PCDHB5: variants seen among roughly 807,000 people sequenced by gnomAD.
The protein encoded by PCDHB5 is protocadherin beta 5, also known as protocadherin beta-5.
For synonymous variants in PCDHB5, 569 were observed against 462.2 expected, an observed-to-expected ratio of 1.23 and a Z score of -2.96; for missense variants, 1,125 against 1,029.4, an observed-to-expected ratio of 1.09 and a Z score of -1.27.
In PCDHB5 at chr5:141,136,050, C is replaced by A; in HGVS notation, c.616C>A (p.Pro206Thr). The A allele has an allele frequency of 6.2e-7, 1 of 1,614,214 alleles. No individual in the cohort carries two copies. The highest frequency in any genetic ancestry group is 8.5e-7 in the Non-Finnish European group (1 of 1,180,016). Residue 206 changes from proline (P) to threonine (T), a missense_variant, in exon 1 of 1, where the codon CCT (proline) becomes ACT (threonine). Transcript: ENST00000231134. ...LDKALDREER[P>T]ELSLTLTALD... Reference sequence around the variant, plus strand: ...CAAAGCGCTGGACCGGGAGGAGCGGCCTGAGCTCAGCTTAACACTCACTGC... The same window carrying A: ...CAAAGCGCTGGACCGGGAGGAGCGGACTGAGCTCAGCTTAACACTCACTGC...
chr5:141,137,532 T>C lies in PCDHB5; in HGVS notation c.2098T>C (p.Phe700Leu). 6 of 1,612,458 alleles carry C rather than the reference T, an allele frequency of 3.7e-6. No individual in the cohort carries two copies. The highest frequency in any genetic ancestry group is 5.1e-6 in the Non-Finnish European group (6 of 1,179,634). The change falls in exon 1 of 1, where the codon TTC (phenylalanine) becomes CTC (leucine). Residue 700 changes from phenylalanine (F) to leucine (L), a missense_variant. Physicochemically the swap from Phe to Leu is conservative, Grantham distance 22. Transcript: ENST00000231134. ...VVALASVSSLFLFSVLLFVAV... is the reference protein window; with the variant it reads ...VVALASVSSLLLFSVLLFVAV... ...GGCATTGGCCTCGGTGTCGTCGCTC[T>C]TCCTCTTTTCGGTGCTCCTGTTCGT...
rs1554275904 is a variant in PCDHB5, at chr5:141,136,443, G to GTGGA, written c.1012_1015dup (p.Val339GlyfsTer4). The GTGGA allele has an allele frequency of 6.2e-7, 1 of 1,613,958 alleles. No homozygotes were observed. The highest frequency in any genetic ancestry group is 1.7e-5 in the Admixed American group (1 of 59,988). On this transcript the variant is annotated frameshift_variant, in exon 1 of 1. Coordinates refer to ENST00000231134, the MANE Select transcript of PCDHB5 (RefSeq NM_015669.5). LOFTEE classifies it low-confidence loss of function (END_TRUNC). ...AAAATGCACTGTGGCTATAGAAGTGGTGGATGTGAATGACAACGCCCCTGA... is the reference window on the plus strand; with the variant it reads ...AAAATGCACTGTGGCTATAGAAGTGGTGGATGGATGTGAATGACAACGCCCCTGA...
At position 141,137,453 on chromosome 5, in the gene PCDHB5, G is replaced by A. The variant is rs61745769; in HGVS notation, c.2019G>A (p.Pro673=). Residue 673 remains proline, a synonymous_variant, in exon 1 of 1, where the codon CCG becomes CCA. Transcript: ENST00000231134. ...TCTCCCAGCCCTACCTGCCGCTGCC[G>A]GAGGCGGCCCCGGCCCAGGCCCAGG... ...DGFSQPYLPL[P]EAAPAQAQAD... 3.7e-6 allele frequency: 6 copies of A among 1,612,420 alleles called. No homozygotes were observed. The highest frequency in any genetic ancestry group is 4.2e-6 in the Non-Finnish European group (5 of 1,179,670).
chr5:141,136,494 C>T lies in PCDHB5; in HGVS notation c.1060C>T (p.Pro354Ser), dbSNP rs1554275916. The change falls in exon 1 of 1, where the codon CCT (proline) becomes TCT (serine). Residue 354 changes from proline to serine, a missense_variant. By Grantham distance (74) the Pro-to-Ser change is moderately conservative. Coordinates refer to ENST00000231134, the MANE Select transcript of PCDHB5 (RefSeq NM_015669.5). ...PELTMSTLSS[P>S]TPENAPETVV... is the part of the protein sequence containing the mutation. ...ACTCACCATGTCTACGCTCTCCAGCCCTACCCCAGAAAATGCCCCGGAAAC... is the reference window on the plus strand; with the variant it reads ...ACTCACCATGTCTACGCTCTCCAGCTCTACCCCAGAAAATGCCCCGGAAAC... 9 of 1,613,912 alleles carry T rather than the reference C, an allele frequency of 5.6e-6. No homozygotes were observed. The highest frequency in any genetic ancestry group is 1.1e-5 in the South Asian group (1 of 91,060).
In PCDHB5 at chr5:141,136,220, CGTT is replaced by C. The variant is rs782341219; in HGVS notation, c.789_791del (p.Val264del). Reference sequence around the variant, plus strand: ...ACAGCCCCCTTAACTCCTTAGTTGTCGTTGTCTCCGCTCGAGATTTAGATGCAG... The same window carrying C: ...ACAGCCCCCTTAACTCCTTAGTTGTCGTCTCCGCTCGAGATTTAGATGCAG... On this transcript the variant is annotated inframe_deletion, in exon 1 of 1. Coordinates refer to ENST00000231134, the MANE Select transcript of PCDHB5 (RefSeq NM_015669.5). 3.1e-6 allele frequency: 5 copies of C among 1,613,938 alleles called. No individual in the cohort carries two copies. Among genetic ancestry groups the C allele is most frequent in the Admixed American group, 1.7e-5 (1 of 60,016 alleles).
chr5:141,136,431 G>A lies in PCDHB5; in HGVS notation c.997G>A (p.Ala333Thr). The change falls in exon 1 of 1, where the codon GCT becomes ACT. Residue 333 changes from alanine (A) to threonine (T), a missense_variant. Transcript: ENST00000231134. ...GGGCCTTTCAGGAAAATGCACTGTG[G>A]CTATAGAAGTGGTGGATGTGAATGA... ...GGGLSGKCTV[A>T]IEVVDVNDNA... is the part of the protein sequence containing the mutation. 1 of 1,614,046 alleles carries A rather than the reference G, an allele frequency of 6.2e-7. No individual in the cohort carries two copies.
In PCDHB5 at chr5:141,135,755, G is replaced by T; in HGVS notation, c.321G>T (p.Gln107His). Residue 107 changes from glutamine to histidine, a missense_variant, in exon 1 of 1, where the codon CAG (glutamine) becomes CAT (histidine). Transcript: ENST00000231134. ...GATEPCILHF[Q>H]LLLENPVQFF... ...CAGAACCCTGTATATTGCATTTCCA[G>T]CTCTTACTAGAAAATCCAGTGCAGT... The T allele has an allele frequency of 6.2e-7, 1 of 1,614,094 alleles. No individual in the cohort carries two copies. Among genetic ancestry groups the T allele is most frequent in the Non-Finnish European group, 8.5e-7 (1 of 1,179,998 alleles).
chr5:141,137,837 C>A lies in PCDHB5; in HGVS notation c.*15C>A. The stretch of plus-strand genomic sequence containing the variant: ...GATTAAATTAGAGATCTCGTGATGA[C>A]GCGTTGTTTTCTGCCATTTATCCCA... On this transcript the variant is annotated 3_prime_UTR_variant, in exon 1 of 1. Transcript: ENST00000231134. The A allele has an allele frequency of 6.4e-7, 1 of 1,551,982 alleles. No individual in the cohort carries two copies. Among genetic ancestry groups the A allele is most frequent in the African/African-American group, 1.4e-5 (1 of 72,782 alleles).
Position 141,137,163 on chromosome 5 carries a change from C to G in PCDHB5, c.1729C>G (p.Arg577Gly). 1.2e-6 allele frequency: 2 copies of G among 1,610,606 alleles called. No homozygotes were observed. The highest frequency in any genetic ancestry group is 1.3e-5 in the African/African-American group (1 of 74,962). ...GSAPCTELVP[R>G]AAEPGYLVTK... ...GGCGCCTTGCACCGAGCTGGTGCCC[C>G]GGGCGGCCGAGCCGGGCTACCTGGT... The change falls in exon 1 of 1, where the codon CGG (arginine) becomes GGG (glycine). Residue 577 changes from arginine to glycine, a missense_variant. Transcript: ENST00000231134.
rs782077363 is a variant in PCDHB5, at chr5:141,135,627, C to G, written c.193C>G (p.Arg65Gly). The G allele has an allele frequency of 3.1e-6, 5 of 1,613,760 alleles. No individual in the cohort carries two copies. In the East Asian group the frequency reaches 1.1e-4, roughly 36 times the overall value. The change falls in exon 1 of 1, where the codon CGA (arginine) becomes GGA (glycine). Residue 65 changes from arginine to glycine, a missense_variant. By Grantham distance (125) the Arg-to-Gly change is moderately radical. Coordinates refer to ENST00000231134, the MANE Select transcript of PCDHB5 (RefSeq NM_015669.5). Reference protein sequence around the residue: ...GVGELATRGARMHYKGNKELL... With the variant: ...GVGELATRGAGMHYKGNKELL... ...GGGGGAACTGGCCACTCGGGGCGCG[C>G]GAATGCATTACAAAGGAAACAAAGA...
In PCDHB5 at chr5:141,136,968, C is replaced by G; in HGVS notation, c.1534C>G (p.Leu512Val). Residue 512 changes from leucine (L) to valine (V), a missense_variant, in exon 1 of 1, where the codon CTG becomes GTG. By Grantham distance (32) the Leu-to-Val change is conservative. Transcript: ENST00000231134. ...LVSINADNGH[L>V]FALRSLDYEA... ...CTCCATCAACGCGGACAACGGCCAC[C>G]TGTTTGCCCTCAGGTCGCTGGACTA... The G allele has an allele frequency of 6.2e-7, 1 of 1,612,506 alleles. No homozygotes were observed. Among genetic ancestry groups the G allele is most frequent in the Non-Finnish European group, 8.5e-7 (1 of 1,179,944 alleles).
chr5:141,137,666 A>G lies in PCDHB5; in HGVS notation c.2232A>G (p.Leu744=), dbSNP rs533363513. ...TGGACGTGAGCGGCACCGGGACCCT[A>G]TCCCAGAGCTACCACTACGAGGTGT... ...HLVDVSGTGT[L]SQSYHYEVCL... Residue 744 remains leucine, a synonymous_variant, in exon 1 of 1, where the codon CTA becomes CTG. Transcript: ENST00000231134. The G allele has an allele frequency of 2.0e-5, 32 of 1,614,124 alleles. No individual in the cohort carries two copies. The highest frequency in any genetic ancestry group is 1.7e-4 in the Middle Eastern group (1 of 6,036).
rs1294328612 is a variant in PCDHB5 at position 141,135,974 on chromosome 5, TG to T, written c.541del (p.Ala181LeufsTer30). ...TISPNSHFHV[A>X]THNRGDGRKY... Reference sequence around the variant, plus strand: ...TCAGCCCAAATTCACACTTTCATGTTGCTACGCATAATCGCGGAGATGGCAG... The same window carrying T: ...TCAGCCCAAATTCACACTTTCATGTTCTACGCATAATCGCGGAGATGGCAG... On this transcript the variant is annotated frameshift_variant, in exon 1 of 1. Coordinates refer to ENST00000231134, the MANE Select transcript of PCDHB5 (RefSeq NM_015669.5). LOFTEE classifies it low-confidence loss of function (END_TRUNC). The T allele has an allele frequency of 7.4e-6, 12 of 1,614,094 alleles. No homozygotes were observed. The highest frequency in any genetic ancestry group is 1.0e-5 in the Non-Finnish European group (12 of 1,180,048).
rs140704539 is a variant in PCDHB5, at chr5:141,136,906, C to A, written c.1472C>A (p.Pro491Gln). 6.2e-7 allele frequency: 1 copy of A among 1,612,658 alleles called. No homozygotes were observed. The highest frequency in any genetic ancestry group is 1.7e-5 in the Admixed American group (1 of 60,026). Residue 491 changes from proline to glutamine, a missense_variant, in exon 1 of 1, where the codon CCG becomes CAG. Transcript: ENST00000231134. ...GCCCAGGTCACCTACTCGCTGCTGC[C>A]GCCCCAGAACCCACACCTGCGCCTC... ...TNAQVTYSLL[P>Q]PQNPHLRLAS...
rs782142744 is a variant in PCDHB5, at chr5:141,136,171, T to C, written c.737T>C (p.Phe246Ser). ...AACGCCCCCGAATTTTTACAATCAT[T>C]CTATGAGGTACAGGTGCCCGAGAAC... ...NDNAPEFLQS[F>S]YEVQVPENSP... is the part of the protein sequence containing the mutation. Residue 246 changes from phenylalanine to serine, a missense_variant, in exon 1 of 1, where the codon TTC (phenylalanine) becomes TCC (serine). Coordinates refer to ENST00000231134, the MANE Select transcript of PCDHB5 (RefSeq NM_015669.5). 1.2e-6 allele frequency: 2 copies of C among 1,613,946 alleles called. No homozygotes were observed. Among genetic ancestry groups the C allele is most frequent in the East Asian group, 2.2e-5 (1 of 44,864 alleles).
rs1554275664 is a variant in PCDHB5, at chr5:141,135,361, G to A, written c.-74G>A. ...AAATCAGTCAAGAAAGATCGGATTC[G>A]CGGTTATTTATGCAAATCATCTGGG... On this transcript the variant is annotated 5_prime_UTR_variant, in exon 1 of 1. Coordinates refer to ENST00000231134, the MANE Select transcript of PCDHB5 (RefSeq NM_015669.5). The A allele has an allele frequency of 2.9e-6, 3 of 1,040,690 alleles. No individual in the cohort carries two copies. Among genetic ancestry groups the A allele is most frequent in the East Asian group, 4.8e-5 (2 of 41,750 alleles). The allele number at this position is 1,040,690 out of a possible 1,614,324, so 64.5% of individuals were successfully genotyped here.
chr5:141,135,629 A>G lies in PCDHB5; in HGVS notation c.195A>G (p.Arg65=). 1.9e-6 allele frequency: 3 copies of G among 1,614,146 alleles called. No individual in the cohort carries two copies. The highest frequency in any genetic ancestry group is 2.5e-6 in the Non-Finnish European group (3 of 1,180,032). Residue 65 remains arginine, a synonymous_variant, in exon 1 of 1, where the codon CGA becomes CGG. Coordinates refer to ENST00000231134, the MANE Select transcript of PCDHB5 (RefSeq NM_015669.5). The part of the protein sequence containing the change: ...GVGELATRGA[R]MHYKGNKELL... ...GGGAACTGGCCACTCGGGGCGCGCG[A>G]ATGCATTACAAAGGAAACAAAGAGC...
chr5:141,135,687 C>T lies in PCDHB5; in HGVS notation c.253C>T (p.Leu85Phe), dbSNP rs781891917. 6.2e-7 allele frequency: 1 copy of T among 1,614,120 alleles called. No homozygotes were observed. The highest frequency in any genetic ancestry group is 8.5e-7 in the Non-Finnish European group (1 of 1,180,008). Residue 85 changes from leucine (L) to phenylalanine (F), a missense_variant, in exon 1 of 1, where the codon CTT (leucine) becomes TTT (phenylalanine). Leu to Phe is a conservative substitution (Grantham distance 22, BLOSUM62 0). Coordinates refer to ENST00000231134, the MANE Select transcript of PCDHB5 (RefSeq NM_015669.5). ...LQLDIKTGNL[L>F]LYEKLDREVM... ...GCTTGATATAAAGACCGGCAATTTG[C>T]TTCTATATGAAAAACTAGACCGGGA...
At position 141,136,394 on chromosome 5, in the gene PCDHB5, C is replaced by T. The variant is rs1554275895; in HGVS notation, c.960C>T (p.Ala320=). 5.6e-6 allele frequency: 9 copies of T among 1,614,008 alleles called. No homozygotes were observed. The highest frequency in any genetic ancestry group is 1.3e-5 in the African/African-American group (1 of 74,994). The change falls in exon 1 of 1, where the codon GCC becomes GCT. Residue 320 remains alanine (A), a synonymous_variant. Transcript: ENST00000231134. The part of the protein sequence containing the change: ...ATPYYNVEIV[A]TDGGGLSGKC... ...CATATTATAACGTGGAAATTGTAGC[C>T]ACAGATGGTGGGGGCCTTTCAGGAA...
Sources: allele counts gnomAD v4.1 joint callset, GRCh38; gene constraint gnomAD v4.1.1; transcripts MANE v1.5; gene names NCBI Gene and HGNC (gene_info 2026-07-23, HGNC 2026-07-21).